KRTAP10-3: variants seen among roughly 807,000 people sequenced by gnomAD.
KRTAP10-3 encodes keratin associated protein 10-3.
For missense variants in KRTAP10-3, 341 were observed against 293.4 expected (o/e 1.16, Z -1.19); for synonymous variants, 151 against 126.2 (o/e 1.20, Z -1.32).
At position 44,558,534 on chromosome 21, in the gene KRTAP10-3, G is replaced by C; in HGVS notation, c.182C>G (p.Ala61Gly). 2 of 1,613,392 alleles carry C rather than the reference G, an allele frequency of 1.2e-6. No homozygotes were observed. The highest frequency in any genetic ancestry group is 8.5e-7 in the Non-Finnish European group (1 of 1,179,798). ...SCVSSPCCQA[A>G]CEPSPCQSGC... ...TGACTGGCAGGGGCTGGGCTCACAG[G>C]CCGCCTGGCAGCAGGGGCTGGACAC... Residue 61 changes from alanine (A) to glycine (G), a missense_variant, in exon 1 of 1, where the codon GCC becomes GGC. Physicochemically the swap from Ala to Gly is moderately conservative, Grantham distance 60. Transcript: ENST00000391620.
In KRTAP10-3 at chr21:44,558,216, C is replaced by T. The variant is rs782114716; in HGVS notation, c.500G>A (p.Arg167Lys). The T allele has an allele frequency of 1.0e-5, 16 of 1,565,058 alleles. No individual in the cohort carries two copies. Among genetic ancestry groups the T allele is most frequent in the African/African-American group, 1.4e-5 (1 of 73,114 alleles). Residue 167 changes from arginine to lysine, a missense_variant, in exon 1 of 1, where the codon AGG becomes AAG. Arg to Lys is a conservative substitution (Grantham distance 26, BLOSUM62 2). Transcript: ENST00000391620. ...GGGGATGGGCACACAGCAGGTGGAC[C>T]TGCACACGGGGCGGCAGAGGAGGGA... ...SVSLLCRPVCRSTCCVPIPSC... is the reference protein window; with the variant it reads ...SVSLLCRPVCKSTCCVPIPSC...
Position 44,558,029 on chromosome 21 carries a change from T to A in KRTAP10-3, c.*21A>T. ...GTCAGAGATGGCCCTGGAACAACTC[T>A]GGAGAAACGGGACCTGCCCGTCAGC... On this transcript the variant is annotated 3_prime_UTR_variant, in exon 1 of 1. Transcript: ENST00000391620. 6.3e-7 allele frequency: 1 copy of A among 1,587,430 alleles called. No homozygotes were observed. Among genetic ancestry groups the A allele is most frequent in the Non-Finnish European group, 8.6e-7 (1 of 1,166,486 alleles).
chr21:44,558,067 G>C lies in KRTAP10-3; in HGVS notation c.649C>G (p.Gln217Glu), dbSNP rs1555920127. 1 of 1,609,074 alleles carries C rather than the reference G, an allele frequency of 6.2e-7. No homozygotes were observed. Among genetic ancestry groups the C allele is most frequent in the Admixed American group, 1.7e-5 (1 of 59,874 alleles). The change falls in exon 1 of 1, where the codon CAG becomes GAG. Residue 217 changes from glutamine to glutamate, a missense_variant. Coordinates refer to ENST00000391620, the MANE Select transcript of KRTAP10-3 (RefSeq NM_198696.3). Reference sequence around the variant, plus strand: ...CCTGCCCGTCAGCAGCTGGACTTCTGGCCTGAGGAGAGGCCGCAGCACGCG... The same window carrying C: ...CCTGCCCGTCAGCAGCTGGACTTCTCGCCTGAGGAGAGGCCGCAGCACGCG... The part of the protein sequence containing the change: ...SSACCGLSSG[Q>E]KSSC
Position 44,558,156 on chromosome 21 carries a change from C to G in KRTAP10-3, c.560G>C (p.Ser187Thr). The stretch of plus-strand genomic sequence containing the variant: ...CACGCAGGAGGCCGGGCGGCAGCAG[C>G]TGGGCTGGCAGGTGGAGGCAGGGGC... ...CCAPASTCQP[S>T]CCRPASCVSL... Residue 187 changes from serine to threonine, a missense_variant, in exon 1 of 1, where the codon AGC (serine) becomes ACC (threonine). By Grantham distance (58) the Ser-to-Thr change is moderately conservative. Transcript: ENST00000391620. 2 of 1,612,388 alleles carry G rather than the reference C, an allele frequency of 1.2e-6. No homozygotes were observed. The highest frequency in any genetic ancestry group is 1.7e-6 in the Non-Finnish European group (2 of 1,179,360).
At position 44,558,293 on chromosome 21, in the gene KRTAP10-3, G is replaced by A. The variant is rs782738211; in HGVS notation, c.423C>T (p.Ser141=). ...GASSSCCQQS[S]RQPACCTTSC... ...AGGTGGTGCAGCAAGCCGGCTGGCG[G>A]CTAGACTGCTGGCAGCATGAAGAGG... is the stretch of plus-strand genomic sequence containing the variant. The change falls in exon 1 of 1, where the codon AGC becomes AGT. Residue 141 remains serine, a synonymous_variant. Coordinates refer to ENST00000391620, the MANE Select transcript of KRTAP10-3 (RefSeq NM_198696.3). 1.9e-6 allele frequency: 3 copies of A among 1,614,154 alleles called. No individual in the cohort carries two copies. The highest frequency in any genetic ancestry group is 2.5e-6 in the Non-Finnish European group (3 of 1,179,994).
chr21:44,558,370 T>C lies in KRTAP10-3; in HGVS notation c.346A>G (p.Lys116Glu), dbSNP rs587620749. 6 of 1,612,136 alleles carry C rather than the reference T, an allele frequency of 3.7e-6. No homozygotes were observed. The highest frequency in any genetic ancestry group is 1.3e-5 in the African/African-American group (1 of 74,490). ...KPVCCVPVCC[K>E]PVCCKPICCV... ...CAGATGGGCTTGCAGCAGACAGGCT[T>C]GCAGCAGACGGGCACACAGCAGACT... is the stretch of plus-strand genomic sequence containing the variant. The change falls in exon 1 of 1, where the codon AAG becomes GAG. Residue 116 changes from lysine (K) to glutamate (E), a missense_variant. Physicochemically the swap from Lys to Glu is moderately conservative, Grantham distance 56. Transcript: ENST00000391620.
chr21:44,558,459 T>G lies in KRTAP10-3; in HGVS notation c.257A>C (p.Gln86Pro). Residue 86 changes from glutamine (Q) to proline (P), a missense_variant, in exon 1 of 1, where the codon CAG (glutamine) becomes CCG (proline). By Grantham distance (76) the Gln-to-Pro change is moderately conservative. Coordinates refer to ENST00000391620, the MANE Select transcript of KRTAP10-3 (RefSeq NM_198696.3). ...TPSCCQQSSC[Q>P]PACCTSSPCQ... ...GGGGGAGGATGTGCAGCAAGCTGGC[T>G]GGCAGCTAGACTGCTGGCAGCACGA... The G allele has an allele frequency of 6.2e-7, 1 of 1,614,058 alleles. No homozygotes were observed. Among genetic ancestry groups the G allele is most frequent in the East Asian group, 2.2e-5 (1 of 44,874 alleles).
Position 44,558,271 on chromosome 21 carries a change from T to C in KRTAP10-3, c.445A>G (p.Thr149Ala), listed in dbSNP as rs782202103. 2 of 1,612,824 alleles carry C rather than the reference T, an allele frequency of 1.2e-6. No individual in the cohort carries two copies. Among genetic ancestry groups the C allele is most frequent in the African/African-American group, 1.3e-5 (1 of 74,458 alleles). Residue 149 changes from threonine (T) to alanine (A), a missense_variant, in exon 1 of 1, where the codon ACC (threonine) becomes GCC (alanine). Coordinates refer to ENST00000391620, the MANE Select transcript of KRTAP10-3 (RefSeq NM_198696.3). ...GAGGAGGAGGGTCTGCAGCAGGAGG[T>C]GGTGCAGCAAGCCGGCTGGCGGCTA... Reference protein sequence around the residue: ...QSSRQPACCTTSCCRPSSSVS... With the variant: ...QSSRQPACCTASCCRPSSSVS...
Position 44,558,147 on chromosome 21 carries a change from C to A in KRTAP10-3, c.569G>T (p.Arg190Leu). ...PASTCQPSCC[R>L]PASCVSLLCR... ...GAGGAGGGACACGCAGGAGGCCGGG[C>A]GGCAGCAGCTGGGCTGGCAGGTGGA... Residue 190 changes from arginine (R) to leucine (L), a missense_variant, in exon 1 of 1, where the codon CGC becomes CTC. By Grantham distance (102) the Arg-to-Leu change is moderately radical (BLOSUM62 -2). Coordinates refer to ENST00000391620, the MANE Select transcript of KRTAP10-3 (RefSeq NM_198696.3). The A allele has an allele frequency of 2.5e-6, 4 of 1,612,918 alleles. No individual in the cohort carries two copies. Among genetic ancestry groups the A allele is most frequent in the Non-Finnish European group, 3.4e-6 (4 of 1,179,534 alleles).
rs782077366 is a variant in KRTAP10-3 at position 44,558,180 on chromosome 21, G to T, written c.536C>A (p.Ala179Asp). The change falls in exon 1 of 1, where the codon GCC (alanine) becomes GAC (aspartate). Residue 179 changes from alanine to aspartate, a missense_variant. Physicochemically the swap from Ala to Asp is moderately radical, Grantham distance 126. Coordinates refer to ENST00000391620, the MANE Select transcript of KRTAP10-3 (RefSeq NM_198696.3). ...TCCVPIPSCC[A>D]PASTCQPSCC... ...GCTGGGCTGGCAGGTGGAGGCAGGG[G>T]CACAGCAGGAGGGGATGGGCACACA... 2 of 1,546,492 alleles carry T rather than the reference G, an allele frequency of 1.3e-6. No homozygotes were observed. The highest frequency in any genetic ancestry group is 1.8e-6 in the Non-Finnish European group (2 of 1,135,314).
Position 44,558,694 on chromosome 21 carries a change from C to CGGACATGGT in KRTAP10-3, c.13_21dup (p.Thr5_Ser7dup). The CGGACATGGT allele has an allele frequency of 6.2e-7, 1 of 1,609,276 alleles. No individual in the cohort carries two copies. Among genetic ancestry groups the CGGACATGGT allele is most frequent in the Non-Finnish European group, 8.5e-7 (1 of 1,177,648 alleles). ...GAGTCAGAGTAAGCGCTGGAGCAGA[C>CGGACATGGT]GGACATGGTAGACGTGGCCATGCTG... On this transcript the variant is annotated inframe_insertion, in exon 1 of 1. Coordinates refer to ENST00000391620, the MANE Select transcript of KRTAP10-3 (RefSeq NM_198696.3).
Position 44,558,193 on chromosome 21 carries a change from G to A in KRTAP10-3, c.523C>T (p.Pro175Ser), listed in dbSNP as rs587703557. Reference sequence around the variant, plus strand: ...GTGGAGGCAGGGGCACAGCAGGAGGGGATGGGCACACAGCAGGTGGACCTG... The same window carrying A: ...GTGGAGGCAGGGGCACAGCAGGAGGAGATGGGCACACAGCAGGTGGACCTG... The part of the protein sequence containing the change: ...VCRSTCCVPI[P>S]SCCAPASTCQ... The change falls in exon 1 of 1, where the codon CCC becomes TCC. Residue 175 changes from proline (P) to serine (S), a missense_variant. Transcript: ENST00000391620. 9.3e-5 allele frequency: 145 copies of A among 1,553,662 alleles called. No individual in the cohort carries two copies. The highest frequency in any genetic ancestry group is 4.0e-4 in the South Asian group (34 of 85,506).
Position 44,557,892 on chromosome 21 carries a change from G to T in KRTAP10-3, c.*158C>A. On this transcript the variant is annotated 3_prime_UTR_variant, in exon 1 of 1. Coordinates refer to ENST00000391620, the MANE Select transcript of KRTAP10-3 (RefSeq NM_198696.3). The stretch of plus-strand genomic sequence containing the variant: ...AGCATGGAGATGAGGGTGTGGGAGA[G>T]ATGCATGCCTGGAGGGAATCGGCAT... 2 of 853,266 alleles carry T rather than the reference G, an allele frequency of 2.3e-6. No homozygotes were observed. The highest frequency in any genetic ancestry group is 1.8e-6 in the Non-Finnish European group (1 of 555,582). The allele number at this position is 853,266 out of a possible 1,614,324, so 52.9% of individuals were successfully genotyped here.
chr21:44,558,477 C>A lies in KRTAP10-3; in HGVS notation c.239G>T (p.Cys80Phe). 1.9e-6 allele frequency: 3 copies of A among 1,614,050 alleles called. No individual in the cohort carries two copies. Among genetic ancestry groups the A allele is most frequent in the Non-Finnish European group, 2.5e-6 (3 of 1,179,964 alleles). ...GCTSSCTPSCCQQSSCQPACC... is the reference protein window; with the variant it reads ...GCTSSCTPSCFQQSSCQPACC... ...AGCTGGCTGGCAGCTAGACTGCTGG[C>A]AGCACGAGGGCGTGCAGGAGCTGGT... The change falls in exon 1 of 1, where the codon TGC becomes TTC. Residue 80 changes from cysteine (C) to phenylalanine (F), a missense_variant. Transcript: ENST00000391620.
Position 44,558,292 on chromosome 21 carries a change from G to A in KRTAP10-3, c.424C>T (p.Arg142Cys), listed in dbSNP as rs190980029. 4.7e-4 allele frequency: 753 copies of A among 1,614,112 alleles called. 2 individuals are homozygous for A. Among genetic ancestry groups the A allele is most frequent in the African/African-American group, 4.5e-3 (341 of 75,014 alleles). The change falls in exon 1 of 1, where the codon CGC becomes TGC. Residue 142 changes from arginine (R) to cysteine (C), a missense_variant. Transcript: ENST00000391620. ...GAGGTGGTGCAGCAAGCCGGCTGGC[G>A]GCTAGACTGCTGGCAGCATGAAGAG... ...ASSSCCQQSS[R>C]QPACCTTSCC...
Position 44,558,772 on chromosome 21 carries a change from A to T in KRTAP10-3, c.-57T>A. ...ACGTGAGTGAGTGAGTGTGGGAGTG[A>T]GTGAGGGAGTGAGTGAGTGATCGTG... is the stretch of plus-strand genomic sequence containing the variant. On this transcript the variant is annotated 5_prime_UTR_variant, in exon 1 of 1. Transcript: ENST00000391620. The T allele has an allele frequency of 6.5e-7, 1 of 1,546,136 alleles. No individual in the cohort carries two copies. The highest frequency in any genetic ancestry group is 8.7e-7 in the Non-Finnish European group (1 of 1,143,550).
In KRTAP10-3 at chr21:44,557,863, G is replaced by T. The variant is rs782287899; in HGVS notation, c.*187C>A. 15 of 700,252 alleles carry T rather than the reference G, an allele frequency of 2.1e-5. No homozygotes were observed. The highest frequency in any genetic ancestry group is 3.3e-5 in the Non-Finnish European group (14 of 422,590). The allele number at this position is 700,252 out of a possible 1,614,324, so 43.4% of individuals were successfully genotyped here. ...GGGCAGGACACAGTGACCACCGGCT[G>T]GCCAGCATGGAGATGAGGGTGTGGG... On this transcript the variant is annotated 3_prime_UTR_variant, in exon 1 of 1. Coordinates refer to ENST00000391620, the MANE Select transcript of KRTAP10-3 (RefSeq NM_198696.3).
In KRTAP10-3 at chr21:44,558,086, G is replaced by GCAC. The variant is rs782480808; in HGVS notation, c.627_629dup (p.Ala209_Cys210insTrp). ...ACTTCTGGCCTGAGGAGAGGCCGCAGCACGCGGAAGAGAGGCGGGAGCACG... is the reference window on the plus strand; with the variant it reads ...ACTTCTGGCCTGAGGAGAGGCCGCAGCACCACGCGGAAGAGAGGCGGGAGCACG... On this transcript the variant is annotated inframe_insertion, in exon 1 of 1. Transcript: ENST00000391620. 1 of 1,612,160 alleles carries GCAC rather than the reference G, an allele frequency of 6.2e-7. No homozygotes were observed. The highest frequency in any genetic ancestry group is 1.1e-5 in the South Asian group (1 of 90,772).
rs1456583933 is a variant in KRTAP10-3, at chr21:44,557,892, G to C, written c.*158C>G. On this transcript the variant is annotated 3_prime_UTR_variant, in exon 1 of 1. Coordinates refer to ENST00000391620, the MANE Select transcript of KRTAP10-3 (RefSeq NM_198696.3). The stretch of plus-strand genomic sequence containing the variant: ...AGCATGGAGATGAGGGTGTGGGAGA[G>C]ATGCATGCCTGGAGGGAATCGGCAT... 2 of 853,266 alleles carry C rather than the reference G, an allele frequency of 2.3e-6. No individual in the cohort carries two copies. Among genetic ancestry groups the C allele is most frequent in the African/African-American group, 1.7e-5 (1 of 58,360 alleles). 52.9% of individuals were successfully genotyped at this position (853,266 alleles called of 1,614,324 possible).
Sources: allele counts gnomAD v4.1 joint callset, GRCh38; gene constraint gnomAD v4.1.1; transcripts MANE v1.5; gene names NCBI Gene and HGNC (gene_info 2026-07-23, HGNC 2026-07-21).